TPP1: variants seen among roughly 807,000 people sequenced by gnomAD.
TPP1 encodes the protein tripeptidyl-peptidase 1.
A neutral mutation model predicts 67.6 loss-of-function variants in TPP1; 43 were observed. The observed-to-expected ratio is 0.64, with a 90% CI of 0.50 to 0.82. TPP1 has a LOEUF of 0.82. Among genes scored for constraint, TPP1 ranks in the 40% least tolerant of loss-of-function variants. The pLI, the probability that TPP1 is intolerant of heterozygous loss-of-function variation, is 0.00. For synonymous variants in TPP1, 272 were observed against 281.5 expected (o/e 0.97, Z 0.34); for missense variants, 671 against 710.9 (o/e 0.94, Z 0.64).
Position 6,616,829 on chromosome 11 carries a change from G to T in TPP1, c.718C>A (p.Leu240Met). Residue 240 changes from leucine to methionine, a missense_variant, in exon 7 of 13, where the codon CTG (leucine) becomes ATG (methionine). Physicochemically the swap from Leu to Met is conservative, Grantham distance 15. Transcript: ENST00000299427. Reference sequence around the variant, plus strand: ...CCGAAGAGGCGCATGAACTGAGCCAGGTCTGAGTCATGGAAATACTGCTCC... The same window carrying T: ...CCGAAGAGGCGCATGAACTGAGCCATGTCTGAGTCATGGAAATACTGCTCC... The part of the protein sequence containing the change: ...FLEQYFHDSD[L>M]AQFMRLFGGN... The T allele has an allele frequency of 1.2e-6, 2 of 1,613,860 alleles. No individual in the cohort carries two copies. The highest frequency in any genetic ancestry group is 2.2e-5 in the East Asian group (1 of 44,884).
At chr11:6,618,686 C>G (rs1855621351) in intron 3 of TPP1, 90 bp downstream of exon 3, 9 of 1,568,030 alleles carry the variant, frequency 5.7e-6, no homozygotes, top group African/African-American at 2.7e-5. Flanking sequence ...AGTGTCTTGG[C>G]AGGCTCTGAC....
rs1438779646 is a variant in TPP1, at chr11:6,616,041, C to T, written c.1109G>A (p.Gly370Glu). 1.2e-6 allele frequency: 2 copies of T among 1,614,052 alleles called. No homozygotes were observed. Among genetic ancestry groups the T allele is most frequent in the African/African-American group, 1.3e-5 (1 of 74,918 alleles). ...GAAGGTAGGGCGGAACTGGTGTCTT[C>T]CAGAGACAGACCAACACCCGGCCCC... ...DSGAGCWSVS[G>E]RHQFRPTFPA... Residue 370 changes from glycine to glutamate, a missense_variant, in exon 9 of 13, where the codon GGA becomes GAA. By Grantham distance (98) the Gly-to-Glu change is moderately conservative. Transcript: ENST00000299427.
intron 3 of TPP1, 186 bp downstream of exon 3, chr11:6,618,590 C>T: frequency 1.3e-6 from 1 of 761,326 alleles, no homozygotes; most frequent in Non-Finnish European, 2.1e-6. Flanking sequence ...TAGTAAGTAG[C>T]AGAGTCAGAA....
chr11:6,616,797 G>T lies in TPP1; in HGVS notation c.750C>A (p.Asn250Lys). ...LAQFMRLFGG[N>K]FAHQASVARV... ...GGGCTACTGATGCCTGATGTGCAAA[G>T]TTGCCACCGAAGAGGCGCATGAACT... The change falls in exon 7 of 13, where the codon AAC (asparagine) becomes AAA (lysine). Residue 250 changes from asparagine (N) to lysine (K), a missense_variant. Asn to Lys is a moderately conservative substitution (Grantham distance 94, BLOSUM62 0). Coordinates refer to ENST00000299427, the MANE Select transcript of TPP1 (RefSeq NM_000391.4). 6.2e-7 allele frequency: 1 copy of T among 1,613,908 alleles called. No individual in the cohort carries two copies. Among genetic ancestry groups the T allele is most frequent in the East Asian group, 2.2e-5 (1 of 44,874 alleles).
Position 6,616,689 on chromosome 11 carries a change from G to A in TPP1, c.858C>T (p.Asn286=), listed in dbSNP as rs1420315178. 2.5e-6 allele frequency: 4 copies of A among 1,614,050 alleles called. No individual in the cohort carries two copies. In the East Asian group the frequency reaches 8.9e-5, roughly 36 times the overall value. The change falls in exon 7 of 13, where the codon AAC becomes AAT. Residue 286 remains asparagine, a synonymous_variant. Coordinates refer to ENST00000299427, the MANE Select transcript of TPP1 (RefSeq NM_000391.4). ...GGCTACTGTAGACCCAGGTGGAGAT[G>A]TTGGCACCAGCACTCATCAGGTACT... is the stretch of plus-strand genomic sequence containing the variant. The part of the protein sequence containing the change: ...DVQYLMSAGA[N]ISTWVYSSPG...
In TPP1 at chr11:6,615,614, A is replaced by C. The variant is rs539662725; in HGVS notation, c.1146-52T>G. 17 of 1,612,344 alleles carry C rather than the reference A, an allele frequency of 1.1e-5. No homozygotes were observed. In the African/African-American group the frequency reaches 2.1e-4, roughly 20 times the overall value. On this transcript the variant is annotated intron_variant, in intron 9 of 12. Coordinates refer to ENST00000299427, the MANE Select transcript of TPP1 (RefSeq NM_000391.4). The stretch of plus-strand genomic sequence containing the variant: ...AGTAGGGGACCCAAGGGGACCTCCA[A>C]GATATGTGGGGAGGGGTGAGTATAG...
rs121908195 is a variant in TPP1, at chr11:6,618,776, C to G, written c.229G>C (p.Gly77Arg). ...TCCTGTCCTCAGTCCCAAAAGGCAC[C>G]GTATTGAGGAGAGCTGGGATCCGAC... is the stretch of plus-strand genomic sequence containing the variant. ...AVSDPSSPQY[G>R]KYLTLENVAD... The change falls in exon 3 of 13, where the codon GGA (glycine) becomes CGA (arginine). Residue 77 changes from glycine (G) to arginine (R), a missense_variant and splice_region_variant. By Grantham distance (125) the Gly-to-Arg change is moderately radical. Transcript: ENST00000299427. The G allele has an allele frequency of 6.2e-7, 1 of 1,613,716 alleles. No homozygotes were observed. The highest frequency in any genetic ancestry group is 8.5e-7 in the Non-Finnish European group (1 of 1,180,040).
intron 3 of TPP1, 102 bp downstream of exon 3, chr11:6,618,674 C>A: frequency 5.2e-6 from 8 of 1,526,996 alleles, no homozygotes; most frequent in Non-Finnish European, 7.2e-6. Flanking sequence ...CTGAGGAACA[C>A]AAGTGTCTTG....
Position 6,617,011 on chromosome 11 carries a change from G to A in TPP1, c.651C>T (p.Gly217=). 6.2e-7 allele frequency: 1 copy of A among 1,614,142 alleles called. No homozygotes were observed. Among genetic ancestry groups the A allele is most frequent in the South Asian group, 1.1e-5 (1 of 91,088 alleles). The change falls in exon 6 of 13, where the codon GGC becomes GGT. Residue 217 remains glycine, a synonymous_variant. Coordinates refer to ENST00000299427, the MANE Select transcript of TPP1 (RefSeq NM_000391.4). ...KRYNLTSQDV[G]SGTSNNSQAC... ...CTTGGCTGTTATTGCTGGTGCCAGAGCCCACGTCTTGTGAGGTCAAGTTGT... is the reference window on the plus strand; with the variant it reads ...CTTGGCTGTTATTGCTGGTGCCAGAACCCACGTCTTGTGAGGTCAAGTTGT...
At position 6,617,312 on chromosome 11, in the gene TPP1, T is replaced by A. The variant is rs796053437; in HGVS notation, c.497A>T (p.His166Leu). Residue 166 changes from histidine (H) to leucine (L), a missense_variant, in exon 5 of 13, where the codon CAT becomes CTT. Transcript: ENST00000299427. ...CCCATAGGTGTTACCAAAGTCCACA[T>A]GGGGGGCCAAGGCCTGTGGAAGCTG... is the stretch of plus-strand genomic sequence containing the variant. ...PYQLPQALAPHVDFVGGLHRF... is the reference protein window; with the variant it reads ...PYQLPQALAPLVDFVGGLHRF... The A allele has an allele frequency of 3.1e-6, 5 of 1,613,970 alleles. No homozygotes were observed. The highest frequency in any genetic ancestry group is 2.2e-5 in the East Asian group (1 of 44,868).
chr11:6,614,443 G>T lies in TPP1; in HGVS notation c.*103C>A. Reference sequence around the variant, plus strand: ...TTAGGGAGATAAGCTGTCTGCAGCAGTCAATAGTTGAGGGTTCAGCAGGGC... The same window carrying T: ...TTAGGGAGATAAGCTGTCTGCAGCATTCAATAGTTGAGGGTTCAGCAGGGC... On this transcript the variant is annotated 3_prime_UTR_variant, in exon 13 of 13. Transcript: ENST00000299427. The T allele has an allele frequency of 6.6e-7, 1 of 1,514,958 alleles. No individual in the cohort carries two copies. Among genetic ancestry groups the T allele is most frequent in the Non-Finnish European group, 9.1e-7 (1 of 1,096,468 alleles). 93.8% of individuals were successfully genotyped at this position (1,514,958 alleles called of 1,614,324 possible). A position where few individuals can be genotyped will look rare whatever the true frequency, so the allele number is the denominator to read the frequency against.
rs1484683888 is a variant in TPP1 at position 6,619,393 on chromosome 11, A to G, written c.8T>C (p.Leu3Pro). Residue 3 changes from leucine (L) to proline (P), a missense_variant, in exon 1 of 13, where the codon CTC becomes CCC. Coordinates refer to ENST00000299427, the MANE Select transcript of TPP1 (RefSeq NM_000391.4). MGLQACLLGLFAL... is the reference protein window; with the variant it reads MGPQACLLGLFAL... Reference sequence around the variant, plus strand: ...CCTCTCAATTTCTCACCAGGCTTGGAGTCCCATTCTGCCCTTCCGCGGATC... The same window carrying G: ...CCTCTCAATTTCTCACCAGGCTTGGGGTCCCATTCTGCCCTTCCGCGGATC... 1.2e-6 allele frequency: 2 copies of G among 1,614,164 alleles called. No homozygotes were observed. Among genetic ancestry groups the G allele is most frequent in the South Asian group, 2.2e-5 (2 of 91,086 alleles).
Position 6,614,818 on chromosome 11 carries a change from T to C in TPP1, c.1551+48A>G, listed in dbSNP as rs949875284. The C allele has an allele frequency of 2.5e-6, 4 of 1,613,698 alleles. No homozygotes were observed. The African/African-American group carries it at 5.3e-5, about 22-fold the overall frequency. On this transcript the variant is annotated intron_variant, in intron 12 of 12. Transcript: ENST00000299427. ...ACTGCCCCCAAGTCCCCCTTAGCAC[T>C]CCCCATAGTTGTTTGAAAACGTCCA...
intron 3 of TPP1, chr11:6,618,566 A>T (rs960602471): frequency 6.1e-6 from 4 of 660,512 alleles, no homozygotes; most frequent in Admixed American, 2.6e-5. Flanking sequence ...AAGTTGTACT[A>T]GATGCCTGGT....
chr11:6,616,085 C>G lies in TPP1; in HGVS notation c.1076-11G>C. 6.2e-7 allele frequency: 1 copy of G among 1,614,074 alleles called. No homozygotes were observed. Among genetic ancestry groups the G allele is most frequent in the South Asian group, 1.1e-5 (1 of 91,082 alleles). ...CGGCCCCACTGTCACCTGAGAGAGA[C>G]CAAGTGTAGCATTCATATTAATTGG... On this transcript the variant is annotated splice_polypyrimidine_tract_variant and intron_variant, in intron 8 of 12. Coordinates refer to ENST00000299427, the MANE Select transcript of TPP1 (RefSeq NM_000391.4).
At chr11:6,616,940 G>T (rs777514467) in intron 6 of TPP1, 35 bp downstream of exon 6, 3 of 1,614,102 alleles carry the variant, frequency 1.9e-6, no homozygotes, top group Non-Finnish European at 2.5e-6. Flanking sequence ...CTGTGGGGAG[G>T]CTATGAGGAC....
At chr11:6,618,241 GT>G (rs945459418) in intron 3 of TPP1, 1 of 329,776 alleles carries the variant, frequency 3.0e-6, no homozygotes, top group Non-Finnish European at 5.8e-6. Context: ...AGCCTCTGCA[GT>G]TCACAAGCAC....
rs1564854850 is a variant in TPP1 at position 6,616,286 on chromosome 11, C to CGTT, written c.1075+28_1075+29insAAC. ...AGCTCCCAGGCTGCAGAGGTGTAAG[C>CGTT]ATTGTCTAAGTTTAGGGTAGGAGGT... On this transcript the variant is annotated intron_variant, in intron 8 of 12. Coordinates refer to ENST00000299427, the MANE Select transcript of TPP1 (RefSeq NM_000391.4). The CGTT allele has an allele frequency of 2.5e-6, 4 of 1,612,742 alleles. No individual in the cohort carries two copies. In the Admixed American group the frequency reaches 6.7e-5, roughly 27 times the overall value.
At chr11:6,618,554 G>GT (rs1363519250) in intron 3 of TPP1, 7 of 634,720 alleles carry the variant, frequency 1.1e-5, no homozygotes, top group African/African-American at 9.1e-5. Context: ...GGGAAGGAAC[G>GT]TAAGTTGTAC....
Sources: allele counts gnomAD v4.1 joint callset, GRCh38; gene constraint gnomAD v4.1.1; transcripts MANE v1.5; gene names NCBI Gene and HGNC (gene_info 2026-07-23, HGNC 2026-07-21).